Variants in PACRG observed in about 807,000 individuals in gnomAD.
The protein encoded by PACRG is parkin coregulated.
A neutral mutation model predicts 29.7 loss-of-function variants in PACRG; 29 were observed. The observed-to-expected ratio is 0.98, with a 90% CI of 0.73 to 1.33. PACRG has a LOEUF of 1.33. Ranked by LOEUF, PACRG falls within the 40% of genes most tolerant of loss-of-function variation. The pLI, the probability that PACRG is intolerant of heterozygous loss-of-function variation, is 0.00. For missense variants in PACRG, 279 were observed against 316.2 expected, an observed-to-expected ratio of 0.88 and a Z score of 0.89; for synonymous variants, 116 against 118.7, an observed-to-expected ratio of 0.98 and a Z score of 0.15.
At chr6:162,915,276 T>A (rs554254805) in intron 2 of PACRG, among the ~76,000 whole-genome samples, 1 of 152,160 alleles carries the variant, frequency 6.6e-6, no homozygotes, top group East Asian at 1.9e-4. Context: ...AATAATCTTT[T>A]TTTTTTTAGA....
intron 4 of PACRG, among the ~76,000 whole-genome samples, chr6:163,109,632 C>G (rs1318788043): frequency 6.6e-6 from 1 of 152,154 alleles, no homozygotes; most frequent in Non-Finnish European, 1.5e-5. Flanking sequence ...AATCAACTTC[C>G]TAAGCACCTC....
intron 4 of PACRG, among the ~76,000 whole-genome samples, chr6:163,109,957 ATAGAGCTTGACCACTGAGATTTC>A (rs566185580): frequency 0.049 from 7,492 of 152,144 alleles, 583 homozygotes; most frequent in African/African-American, 0.16. Context: ...AAATCACAAG[ATAGAGCTTGACCACTGAGATTTC>A]TAGAGCTTGA....
intron 4 of PACRG, among the ~76,000 whole-genome samples, chr6:163,292,550 G>A (rs1416895111): frequency 1.4e-5 from 2 of 147,606 alleles, no homozygotes; most frequent in African/African-American, 5.0e-5. Context: ...ACAGGCATCT[G>A]CCACCACGCC....
chr6:163,218,720 GCTCC>G (rs1409237252), intron 4 of PACRG, among the ~76,000 whole-genome samples: 1 of 152,150 alleles, frequency 6.6e-6, no homozygotes, highest in African/African-American at 2.4e-5. Context: ...CTCACAGGTC[GCTCC>G]CTCATCTCCT....
chr6:163,206,189 G>T (rs563018369), intron 4 of PACRG, among the ~76,000 whole-genome samples: 1 of 152,264 alleles, frequency 6.6e-6, no homozygotes, highest in Admixed American at 6.5e-5. Flanking sequence ...ATTACCATTT[G>T]ACCCAGCAAT....
intron 4 of PACRG, among the ~76,000 whole-genome samples, chr6:163,156,139 T>C (rs117350689): frequency 0.029 from 4,380 of 152,320 alleles, 120 homozygotes; most frequent in Non-Finnish European, 0.035. Context: ...CTCTGGCTCT[T>C]GGCTCCTGCA....
At chr6:162,914,395 A>G (rs1796537148) in intron 2 of PACRG, among the ~76,000 whole-genome samples, 1 of 152,008 alleles carries the variant, frequency 6.6e-6, no homozygotes, top group African/African-American at 2.4e-5. Flanking sequence ...CCAGAAGTAG[A>G]CTGAACAGTC....
chr6:163,084,453 T>G (rs572447031), intron 3 of PACRG, among the ~76,000 whole-genome samples: 1 of 152,256 alleles, frequency 6.6e-6, no homozygotes, highest in African/African-American at 2.4e-5. Flanking sequence ...GAAGAGAAAA[T>G]GGGCAGTGTA....
At chr6:163,081,060 T>A (rs1813030740) in intron 3 of PACRG, among the ~76,000 whole-genome samples, 1 of 152,128 alleles carries the variant, frequency 6.6e-6, no homozygotes, top group African/African-American at 2.4e-5. Context: ...TTGAGCTCTG[T>A]TATGGAAGGA....
At chr6:162,935,078 A>T (rs567016021) in intron 2 of PACRG, among the ~76,000 whole-genome samples, 75 of 152,200 alleles carry the variant, frequency 4.9e-4, no homozygotes, top group African/African-American at 1.6e-3. Context: ...ATTCTCTTGT[A>T]TGTGATTGGA....
At chr6:162,981,388 A>G (rs1266363804) in intron 2 of PACRG, among the ~76,000 whole-genome samples, 2 of 151,650 alleles carry the variant, frequency 1.3e-5, no homozygotes, top group African/African-American at 2.4e-5. Context: ...ATATATGTAT[A>G]TATACACACA....
chr6:163,021,277 T>A (rs1379208617), intron 2 of PACRG, among the ~76,000 whole-genome samples: 8 of 152,168 alleles, frequency 5.3e-5, no homozygotes, highest in African/African-American at 1.9e-4. Context: ...AGCTGCCCTC[T>A]CCCATGTTGG....
At position 163,144,233 on chromosome 6, in the gene PACRG, C is replaced by CAA. The variant is rs754157729; in HGVS notation, c.613+54840_613+54841dup. 4.0e-4 allele frequency among the ~76,000 whole-genome samples: 41 copies of CAA among 101,934 alleles called. 1 individual carries two copies. Among genetic ancestry groups the CAA allele is most frequent in the Non-Finnish European group, 5.0e-4 (26 of 52,342 alleles). 66.9% of individuals were successfully genotyped at this position (101,934 alleles called of 152,430 possible). On this transcript the variant is annotated intron_variant, in intron 4 of 4. Transcript: ENST00000366888. ...GACAGAGTGAGACTCCGTCTCAAAA[C>CAA]AAAAAAAAAAAAAAAAGGGAAAAGT...
chr6:162,831,304 T>C (rs1327380530), intron 2 of PACRG, among the ~76,000 whole-genome samples: 3 of 152,174 alleles, frequency 2.0e-5, no homozygotes, highest in African/African-American at 7.2e-5. Context: ...TTTTCATTGT[T>C]TTATTAAATA....
chr6:162,915,964 C>T (rs1796669109), intron 2 of PACRG, among the ~76,000 whole-genome samples: 1 of 152,044 alleles, frequency 6.6e-6, no homozygotes, highest in Non-Finnish European at 1.5e-5. Context: ...TTTACATTAC[C>T]CAGATAGGAA....
intron 2 of PACRG, among the ~76,000 whole-genome samples, chr6:162,843,019 T>G (rs1334964062): frequency 4.7e-4 from 67 of 142,982 alleles, no homozygotes; most frequent in African/African-American, 1.6e-3. Context: ...TCTCTCTGGC[T>G]GCCCTTAACA....
chr6:163,136,090 T>C (rs189641050), intron 4 of PACRG, among the ~76,000 whole-genome samples: 2 of 152,238 alleles, frequency 1.3e-5, no homozygotes, highest in African/African-American at 4.8e-5. Context: ...AAAAATAAGA[T>C]TCTAAGTTTA....
chr6:163,017,045 A>G (rs1190802536), intron 2 of PACRG, among the ~76,000 whole-genome samples: 1 of 152,154 alleles, frequency 6.6e-6, no homozygotes, highest in African/African-American at 2.4e-5. Flanking sequence ...CTAGAAATAC[A>G]CTCATGAAGG....
At chr6:162,783,981 TC>T (rs1181854680) in intron 1 of PACRG, among the ~76,000 whole-genome samples, 1 of 152,170 alleles carries the variant, frequency 6.6e-6, no homozygotes, top group African/African-American at 2.4e-5. Context: ...TACATTTTAC[TC>T]TTATGAATTG....
Sources: allele counts gnomAD v4.1 joint callset (sites outside exome capture counted in the v4.1 genomes callset), GRCh38; gene constraint gnomAD v4.1.1; transcripts MANE v1.5; gene names NCBI Gene and HGNC (gene_info 2026-07-23, HGNC 2026-07-21).